Variants in CEP250 observed in about 807,000 individuals in gnomAD.
The protein encoded by CEP250 is centrosome-associated protein CEP250.
In CEP250, 242 loss-of-function variants were observed where a neutral mutation model predicts 315.7. That is an observed-to-expected ratio of 0.77 (90% confidence interval 0.69 to 0.85). CEP250 has a LOEUF of 0.85. CEP250 is among the 40% of genes least tolerant of loss of function. The pLI is 0.00. For missense variants in CEP250, 2,515 were observed against 2,886.4 expected (o/e 0.87, Z 2.95); for synonymous variants, 1,088 against 1,175.0 (o/e 0.93, Z 1.51).
chr20:35,490,499 A>C, intron 20 of CEP250, 138 bp from the exon 21 acceptor site: 1 of 578,848 alleles, frequency 1.7e-6, no homozygotes, highest in South Asian at 3.4e-5. Context: ...CTTGCTTTAC[A>C]GATGAGGCAA....
chr20:35,469,771 T>G, intron 9 of CEP250, 119 bp from the exon 10 acceptor site: 1 of 561,900 alleles, frequency 1.8e-6, no homozygotes, highest in Non-Finnish European at 3.1e-6. Flanking sequence ...CCTAAGGGAT[T>G]TGGGGGAGGC....
chr20:35,481,769 C>T (rs533808077), intron 20 of CEP250, among the ~76,000 whole-genome samples: 1 of 152,130 alleles, frequency 6.6e-6, no homozygotes, highest in African/African-American at 2.4e-5. Context: ...GTCATGTGAT[C>T]ATGGCCTACT....
chr20:35,456,377 T>C (rs2146615079), intron 1 of CEP250, among the ~76,000 whole-genome samples: 1 of 152,306 alleles, frequency 6.6e-6, no homozygotes, highest in Non-Finnish European at 1.5e-5. Context: ...TAGATTGCCT[T>C]TGGGTTTAAT....
chr20:35,502,267 C>A, intron 29 of CEP250, 123 bp from the exon 30 acceptor site: 1 of 772,436 alleles, frequency 1.3e-6, no homozygotes, highest in Non-Finnish European at 2.0e-6. Flanking sequence ...AATATACCAC[C>A]ACTTTTTTTT....
At position 35,476,491 on chromosome 20, in the gene CEP250, C is replaced by T. The variant is rs761122447; in HGVS notation, c.1759C>T (p.Leu587=). 1.2e-6 allele frequency: 2 copies of T among 1,614,080 alleles called. No homozygotes were observed. The highest frequency in any genetic ancestry group is 1.7e-6 in the Non-Finnish European group (2 of 1,179,928). Residue 587 remains leucine (L), a synonymous_variant, in exon 16 of 35, where the codon CTG becomes TTG. Transcript: ENST00000397527. ...AGAGCTGTCGAGTTCTGAAAACACC[C>T]TGAAGACAGAAGTAGCTGATCTTCG... ...IAELSSSENT[L]KTEVADLRAA...
At chr20:35,473,209 C>T (rs2063068616) in intron 12 of CEP250, among the ~76,000 whole-genome samples, 165 bp from the exon 13 acceptor site, 1 of 152,120 alleles carries the variant, frequency 6.6e-6, no homozygotes, top group African/African-American at 2.4e-5. Context: ...CCACAGAAGC[C>T]CAATGACCTC....
chr20:35,505,029 G>C, intron 30 of CEP250, 24 bp downstream of exon 30: 1 of 1,562,336 alleles, frequency 6.4e-7, no homozygotes, highest in South Asian at 1.2e-5. Flanking sequence ...TGGGGAGTAA[G>C]GGCCAGGGGA....
At position 35,510,001 on chromosome 20, in the gene CEP250, G is replaced by A; in HGVS notation, c.7012G>A (p.Gly2338Arg). 1 of 1,614,116 alleles carries A rather than the reference G, an allele frequency of 6.2e-7. No individual in the cohort carries two copies. Among genetic ancestry groups the A allele is most frequent in the South Asian group, 1.1e-5 (1 of 91,082 alleles). ...ATASSPTQQD[G>R]RGQKNSDAKC... The stretch of plus-strand genomic sequence containing the variant: ...GAGTGCTGTTTGTCTTCCTTAGGAT[G>A]GGAGAGGACAGAAGAACTCAGATGC... The change falls in exon 34 of 35, where the codon GGG becomes AGG. Residue 2338 changes from glycine to arginine, a missense_variant. Physicochemically the swap from Gly to Arg is moderately radical, Grantham distance 125. Transcript: ENST00000397527.
intron 24 of CEP250, among the ~76,000 whole-genome samples, chr20:35,495,087 G>A (rs1431469329): frequency 6.6e-6 from 1 of 152,212 alleles, no homozygotes; most frequent in Non-Finnish European, 1.5e-5. Context: ...AGCATGAAGT[G>A]GAGCTACCCA....
intron 25 of CEP250, 100 bp from the exon 26 acceptor site, chr20:35,497,619 A>T: frequency 1.2e-6 from 1 of 825,604 alleles, no homozygotes; most frequent in Non-Finnish European, 1.9e-6. Context: ...CCCAGCCCTG[A>T]TCAGAGTTTG....
Position 35,469,960 on chromosome 20 carries a change from G to A in CEP250, c.922G>A (p.Ala308Thr), listed in dbSNP as rs750018459. Residue 308 changes from alanine (A) to threonine (T), a missense_variant, in exon 10 of 35, where the codon GCT (alanine) becomes ACT (threonine). Coordinates refer to ENST00000397527, the MANE Select transcript of CEP250 (RefSeq NM_007186.6). ...QNEDYEKMIK[A>T]LRETVEILET... ...TGAAGATTATGAAAAGATGATAAAG[G>A]CTCTGAGAGAGACAGTGGAGATCCT... 1.2e-6 allele frequency: 2 copies of A among 1,613,676 alleles called. No homozygotes were observed. Among genetic ancestry groups the A allele is most frequent in the South Asian group, 2.2e-5 (2 of 91,068 alleles).
intron 32 of CEP250, among the ~76,000 whole-genome samples, chr20:35,508,420 TCCTCCTGCCCCAG>T (rs773136908): frequency 2.7e-4 from 41 of 149,522 alleles, no homozygotes; most frequent in South Asian, 4.2e-4. Context: ...GTTCAAGCAA[TCCTCCTGCCCCAG>T]CCTCCTGAAT....
Position 35,504,175 on chromosome 20 carries a change from A to T in CEP250, c.5806A>T (p.Lys1936Ter). 6.2e-7 allele frequency: 1 copy of T among 1,613,836 alleles called. No individual in the cohort carries two copies. The highest frequency in any genetic ancestry group is 8.5e-7 in the Non-Finnish European group (1 of 1,179,904). ...DSWLQAQAVL[K>*]ERDQELEALR... ...CTGGCTGCAGGCCCAGGCAGTGCTC[A>T]AGGAACGGGACCAGGAGCTGGAAGC... The change falls in exon 30 of 35, where the codon AAG becomes TAG. Residue 1936 changes from lysine (K) to a stop codon, truncating the protein, a stop_gained. Transcript: ENST00000397527. LOFTEE classifies it high-confidence loss of function.
chr20:35,471,967 A>G, intron 10 of CEP250, 83 bp from the exon 11 acceptor site: 1 of 811,030 alleles, frequency 1.2e-6, no homozygotes. Flanking sequence ...AGACAGAATG[A>G]GACTTTGGTT....
At chr20:35,510,958 T>A (rs1367275055) in intron 34 of CEP250, among the ~76,000 whole-genome samples, 1 of 152,086 alleles carries the variant, frequency 6.6e-6, no homozygotes, top group East Asian at 1.9e-4. Flanking sequence ...ATTGCATCAC[T>A]GCACTCTAGC....
At chr20:35,476,845 A>G (rs576625091) in intron 16 of CEP250, among the ~76,000 whole-genome samples, 7 of 152,246 alleles carry the variant, frequency 4.6e-5, no homozygotes, top group Non-Finnish European at 8.8e-5. Context: ...AAGGAAGACT[A>G]GGTTTTTTGC....
Position 35,508,058 on chromosome 20 carries a change from T to C in CEP250, c.6774T>C (p.Pro2258=), listed in dbSNP as rs2064243313. The C allele has an allele frequency of 3.1e-6, 5 of 1,614,044 alleles. No individual in the cohort carries two copies. Among genetic ancestry groups the C allele is most frequent in the Non-Finnish European group, 3.4e-6 (4 of 1,180,030 alleles). Residue 2258 remains proline (P), a synonymous_variant, in exon 32 of 35, where the codon CCT becomes CCC. Transcript: ENST00000397527. ...AGGTCTCAGGAGTGGAGGCTGAGCCTAGTCCTGATGGAATGGAGAAGCAGT... is the reference window on the plus strand; with the variant it reads ...AGGTCTCAGGAGTGGAGGCTGAGCCCAGTCCTGATGGAATGGAGAAGCAGT... The part of the protein sequence containing the change: ...LGEVSGVEAE[P]SPDGMEKQSW...
intron 1 of CEP250, among the ~76,000 whole-genome samples, chr20:35,457,865 G>A (rs1332620322): frequency 1.3e-5 from 2 of 152,146 alleles, no homozygotes; most frequent in East Asian, 3.9e-4. Context: ...GAGGTCTGAA[G>A]CCTTGAGGTT....
rs1310898516 is a variant in CEP250 at position 35,496,730 on chromosome 20, G to A, written c.3306+15G>A. ...TCAGTGCTCAGGTACTTCCCACTCT[G>A]GTTATGAGCTCTGCATCCCTGGCAG... On this transcript the variant is annotated intron_variant, in intron 25 of 34. Transcript: ENST00000397527. 1 of 1,608,056 alleles carries A rather than the reference G, an allele frequency of 6.2e-7. No homozygotes were observed. Among genetic ancestry groups the A allele is most frequent in the East Asian group, 2.2e-5 (1 of 44,738 alleles).
Sources: gnomAD v4.1 joint callset for allele counts (sites outside exome capture counted in the v4.1 genomes callset) on GRCh38, gnomAD v4.1.1 for gene constraint, MANE v1.5 for transcripts, NCBI Gene and HGNC (gene_info 2026-07-23, HGNC 2026-07-21) for gene names.